The following PTPRD variants were observed in gnomAD, a reference collection of about 807,000 sequenced individuals.
The protein encoded by PTPRD is receptor-type tyrosine-protein phosphatase delta.
PTPRD carries 34 observed loss-of-function variants against 214.5 expected under a neutral mutation model. The ratio of observed to expected loss-of-function variants is 0.16; its 90% CI spans 0.12 to 0.21. PTPRD has a LOEUF of 0.21. PTPRD is among the 10% of genes least tolerant of loss of function. The pLI, the probability that PTPRD is intolerant of heterozygous loss-of-function variation, is 1.00. For missense variants in PTPRD, 2,545 were observed against 2,398.7 expected (o/e 1.06, Z -1.27); for synonymous variants, 1,128 against 845.7 (o/e 1.33, Z -5.79).
chr9:9,920,869 T>G (rs540391384), intron 5 of PTPRD, among the ~76,000 whole-genome samples: 1 of 152,164 alleles, frequency 6.6e-6, no homozygotes, highest in South Asian at 2.1e-4. Flanking sequence ...CATGGGAGCC[T>G]ATAACGCAGG....
Position 8,399,807 on chromosome 9 carries a change from G to C in PTPRD, c.4210+4730C>G, listed in dbSNP as rs117962826. Among the ~76,000 whole-genome samples, 11 of 152,288 alleles carry C rather than the reference G, an allele frequency of 7.2e-5. No homozygotes were observed. In the East Asian group the frequency reaches 1.9e-3, roughly 27 times the overall value. ...TCAAAAGCCGCTCTGGGCCTGCGTA[G>C]ACTAATGGGAAGAACAGCTGCCTTG... On this transcript the variant is annotated intron_variant, in intron 36 of 45. Transcript: ENST00000381196.
chr9:10,535,449 A>C (rs551626852), intron 2 of PTPRD, among the ~76,000 whole-genome samples: 1 of 152,198 alleles, frequency 6.6e-6, no homozygotes, highest in East Asian at 1.9e-4. Flanking sequence ...CAACAATGCC[A>C]TTTATTTGTA....
chr9:8,493,119 A>T (rs1367186168), intron 26 of PTPRD, 140 bp from the exon 27 acceptor site: 2 of 662,726 alleles, frequency 3.0e-6, no homozygotes, highest in East Asian at 5.4e-5. Context: ...TTCATGCCTG[A>T]GCTCATGCTA....
At chr9:8,563,604 T>G (rs1435434746) in intron 14 of PTPRD, among the ~76,000 whole-genome samples, 3 of 151,782 alleles carry the variant, frequency 2.0e-5, no homozygotes, top group Non-Finnish European at 4.4e-5. Context: ...ACCTGGCTAA[T>G]TTTTGTATTT....
intron 4 of PTPRD, among the ~76,000 whole-genome samples, chr9:10,017,749 A>G (rs571991710): frequency 2.6e-5 from 4 of 152,218 alleles, no homozygotes; most frequent in African/African-American, 9.6e-5. Context: ...TTACTAAACC[A>G]ATGACACATT....
chr9:8,722,225 A>C (rs1186503663), intron 12 of PTPRD, among the ~76,000 whole-genome samples: 1 of 151,682 alleles, frequency 6.6e-6, no homozygotes, highest in African/African-American at 2.4e-5. Flanking sequence ...TCAGGATCTC[A>C]TTTAAACTTC....
At chr9:8,335,908 A>G (rs968498419) in intron 43 of PTPRD, among the ~76,000 whole-genome samples, 1 of 150,580 alleles carries the variant, frequency 6.6e-6, no homozygotes, top group Admixed American at 6.6e-5. Context: ...ATACCTAGGC[A>G]TGTGAAGGAC....
At position 8,895,635 on chromosome 9, in the gene PTPRD, C is replaced by A. The variant is rs189435435; in HGVS notation, c.-104+123062G>T. Among the ~76,000 whole-genome samples the A allele has an allele frequency of 9.9e-5, 15 of 152,274 alleles. No homozygotes were observed. In the East Asian group the frequency reaches 2.1e-3, roughly 22 times the overall value. ...GTGTGCAATTCCTGTGCCCTGCATT[C>A]GCTTTTTAATGCTCAGATAATCCCA... On this transcript the variant is annotated intron_variant, in intron 11 of 45. Coordinates refer to ENST00000381196, the MANE Select transcript of PTPRD (RefSeq NM_002839.4).
chr9:9,193,854 A>G (rs11787730), intron 9 of PTPRD, among the ~76,000 whole-genome samples: 7,728 of 152,170 alleles, frequency 0.051, 242 homozygotes, highest in Non-Finnish European at 0.071. Flanking sequence ...TGGCTACACT[A>G]AATTTATTTT....
intron 8 of PTPRD, among the ~76,000 whole-genome samples, chr9:9,544,225 C>G (rs1024477191): frequency 6.6e-6 from 1 of 151,506 alleles, no homozygotes; most frequent in Non-Finnish European, 1.5e-5. Context: ...AAAAATTGTA[C>G]TATAAGAACC....
chr9:9,896,964 C>T (rs1003836890), intron 5 of PTPRD, among the ~76,000 whole-genome samples: 1 of 151,998 alleles, frequency 6.6e-6, no homozygotes, highest in Non-Finnish European at 1.5e-5. Flanking sequence ...TGTAGTTTCT[C>T]AAATAATCTC....
intron 5 of PTPRD, among the ~76,000 whole-genome samples, chr9:9,880,770 G>A (rs2068420413): frequency 6.6e-6 from 1 of 152,088 alleles, no homozygotes; most frequent in African/African-American, 2.4e-5. Flanking sequence ...ATTAAATTCA[G>A]CCAAGCATGT....
At chr9:10,470,218 AAT>A (rs1477570359) in intron 2 of PTPRD, among the ~76,000 whole-genome samples, 1 of 152,148 alleles carries the variant, frequency 6.6e-6, no homozygotes, top group African/African-American at 2.4e-5. Flanking sequence ...ATCAAAATAT[AAT>A]ACACACCACA....
chr9:8,651,331 G>C (rs1238573268), intron 12 of PTPRD, among the ~76,000 whole-genome samples: 1 of 152,060 alleles, frequency 6.6e-6, no homozygotes, highest in African/African-American at 2.4e-5. Context: ...TCTATGCTCG[G>C]GCTCTGAAGG....
At chr9:8,816,325 T>C (rs1409463672) in intron 11 of PTPRD, among the ~76,000 whole-genome samples, 2 of 152,198 alleles carry the variant, frequency 1.3e-5, no homozygotes. Context: ...CTATTATCAC[T>C]GTATACAGAA....
At chr9:9,613,754 A>G (rs1035868841) in intron 7 of PTPRD, among the ~76,000 whole-genome samples, 2 of 152,152 alleles carry the variant, frequency 1.3e-5, no homozygotes, top group African/African-American at 4.8e-5. Context: ...CCCACCCCCT[A>G]GTCTACTAGG....
intron 30 of PTPRD, 41 bp downstream of exon 30, chr9:8,484,078 T>A (rs1357993398): frequency 6.3e-7 from 1 of 1,588,600 alleles, no homozygotes; most frequent in African/African-American, 1.3e-5. Context: ...CCTATTTACC[T>A]ATAATTCTTT....
intron 3 of PTPRD, among the ~76,000 whole-genome samples, chr9:10,069,480 A>G (rs1004793873): frequency 5.3e-5 from 8 of 151,970 alleles, no homozygotes; most frequent in Non-Finnish European, 4.4e-5. Flanking sequence ...ACCATTTTTT[A>G]ATTGTGAATA....
chr9:8,891,196 C>T (rs142680372), intron 11 of PTPRD, among the ~76,000 whole-genome samples: 13,154 of 140,496 alleles, frequency 0.094, 769 homozygotes, highest in East Asian at 0.2. Flanking sequence ...TGCAGTGGTG[C>T]GATCTCCACT....
Sources: gnomAD v4.1 joint callset for allele counts (sites outside exome capture counted in the v4.1 genomes callset) on GRCh38, gnomAD v4.1.1 for gene constraint, MANE v1.5 for transcripts, NCBI Gene and HGNC (gene_info 2026-07-23, HGNC 2026-07-21) for gene names.